PDE3A: variants seen among roughly 807,000 people sequenced by gnomAD.
The protein encoded by PDE3A is phosphodiesterase 3A, also known as cGMP-inhibited 3',5'-cyclic phosphodiesterase 3A.
Under a neutral mutation model 98.3 loss-of-function variants are expected in PDE3A, and 43 were observed. The observed-to-expected ratio is 0.44, with a 90% confidence interval of 0.34 to 0.56. PDE3A has a LOEUF of 0.56. Ranked by LOEUF, PDE3A falls within the 20% of genes least tolerant of loss-of-function variation. PDE3A has a pLI of 0.01. For synonymous variants in PDE3A, 663 were observed against 567.9 expected (o/e 1.17, Z -2.38); for missense variants, 1,427 against 1,440.7 (o/e 0.99, Z 0.15).
intron 1 of PDE3A, among the ~76,000 whole-genome samples, chr12:20,507,017 T>C (rs1032971400): frequency 1.2e-4 from 18 of 152,128 alleles, no homozygotes; most frequent in Admixed American, 3.3e-4. Context: ...TTATTCTTTA[T>C]AAAAGGTTAT....
At chr12:20,654,301 A>C in intron 15 of PDE3A, 96 bp downstream of exon 15, 1 of 1,160,752 alleles carries the variant, frequency 8.6e-7, no homozygotes, top group Non-Finnish European at 1.2e-6. Flanking sequence ...CAATACTTCA[A>C]GTCTAAACAT....
intron 1 of PDE3A, among the ~76,000 whole-genome samples, chr12:20,483,431 G>A (rs1945668312): frequency 6.6e-6 from 1 of 152,074 alleles, no homozygotes; most frequent in Non-Finnish European, 1.5e-5. Context: ...ATTGTAAGCT[G>A]TAACAAATTC....
At chr12:20,646,703 G>C (rs755216075) in intron 11 of PDE3A, 48 bp from the exon 12 acceptor site, 1 of 1,432,018 alleles carries the variant, frequency 7.0e-7, no homozygotes, top group Non-Finnish European at 9.8e-7. Context: ...GACAAATAAT[G>C]TCAGTACTTT....
intron 1 of PDE3A, among the ~76,000 whole-genome samples, chr12:20,538,236 G>A (rs1175346923): frequency 6.6e-6 from 1 of 152,076 alleles, no homozygotes; most frequent in Non-Finnish European, 1.5e-5. Flanking sequence ...AGAGCTTAAT[G>A]GTGACATTTT....
chr12:20,373,948 A>G (rs953061976), intron 1 of PDE3A, among the ~76,000 whole-genome samples: 1 of 152,164 alleles, frequency 6.6e-6, no homozygotes, highest in African/African-American at 2.4e-5. Flanking sequence ...TGTAGAATAC[A>G]TTGTTTAAAT....
intron 1 of PDE3A, among the ~76,000 whole-genome samples, chr12:20,528,216 T>A (rs1327655757): frequency 6.6e-6 from 1 of 152,206 alleles, no homozygotes; most frequent in African/African-American, 2.4e-5. Context: ...GTCACACTGA[T>A]TTGCATTTGG....
intron 2 of PDE3A, 72 bp from the exon 3 acceptor site, chr12:20,613,371 G>T (rs1042780090): frequency 2.8e-6 from 4 of 1,422,936 alleles, no homozygotes; most frequent in Admixed American, 3.5e-5. Flanking sequence ...TAGTGAAAAA[G>T]TCCAAATTAA....
chr12:20,536,317 C>T (rs1385470734), intron 1 of PDE3A, among the ~76,000 whole-genome samples: 5 of 147,844 alleles, frequency 3.4e-5, no homozygotes. Flanking sequence ...ATCAGGTTTT[C>T]CTCAAGGAGA....
chr12:20,520,449 G>C (rs149222407), intron 1 of PDE3A, among the ~76,000 whole-genome samples: 1 of 152,098 alleles, frequency 6.6e-6, no homozygotes, highest in Non-Finnish European at 1.5e-5. Context: ...ATCCTGGTGC[G>C]TGCTGGCTAT....
Position 20,406,318 on chromosome 12 carries a change from C to T in PDE3A, c.960+36074C>T, listed in dbSNP as rs537460400. On this transcript the variant is annotated intron_variant, in intron 1 of 15. Coordinates refer to ENST00000359062, the MANE Select transcript of PDE3A (RefSeq NM_000921.5). The stretch of plus-strand genomic sequence containing the variant: ...TTTGAGGAATCTCAGTGTTGTTTTT[C>T]GTAATCAGTTTACTAAATTACATTC... Among the ~76,000 whole-genome samples, 5 of 152,216 alleles carry T rather than the reference C, an allele frequency of 3.3e-5. 1 individual carries two copies. The highest frequency in any genetic ancestry group is 7.2e-5 in the African/African-American group (3 of 41,558).
At chr12:20,436,931 T>G (rs1441000374) in intron 1 of PDE3A, among the ~76,000 whole-genome samples, 1 of 152,214 alleles carries the variant, frequency 6.6e-6, no homozygotes, top group East Asian at 1.9e-4. Context: ...ATTGCTTTTC[T>G]TTGCAGGATG....
chr12:20,681,187 G>A lies in PDE3A; in HGVS notation c.*916G>A, dbSNP rs1565477603. 6.6e-6 allele frequency: 1 copy of A among 152,164 alleles called. No individual in the cohort carries two copies. The highest frequency in any genetic ancestry group is 2.4e-5 in the African/African-American group (1 of 41,410). The allele number at this position is 152,164 out of a possible 1,614,324, so 9.4% of individuals were successfully genotyped here. ...TCTATCACCAGCCTCAAACCCGAAA[G>A]ACTGAGGCATTTTCCAGTCTACTTG... On this transcript the variant is annotated 3_prime_UTR_variant, in exon 16 of 16. Transcript: ENST00000359062.
At chr12:20,412,559 CA>C (rs1419502630) in intron 1 of PDE3A, among the ~76,000 whole-genome samples, 4 of 152,080 alleles carry the variant, frequency 2.6e-5, no homozygotes, top group African/African-American at 7.2e-5. Context: ...GACAGACAGA[CA>C]AAACCCACCT....
chr12:20,369,925 T>C lies in PDE3A; in HGVS notation c.641T>C (p.Met214Thr), dbSNP rs1943433882. ...CTGAGGCTGAGGCTGGGCGTCCTCA[T>C]GATCGCCTTGACTAGCGCGGTCAGG... is the stretch of plus-strand genomic sequence containing the variant. ...LVLRLRLGVL[M>T]IALTSAVRTV... Residue 214 changes from methionine (M) to threonine (T), a missense_variant, in exon 1 of 16, where the codon ATG becomes ACG. Met to Thr is a moderately conservative substitution (Grantham distance 81, BLOSUM62 -1). This residue lies in a region of PDE3A where 1,012 missense variants were observed against 886.5 expected (regional missense o/e 1.14). Transcript: ENST00000359062. The C allele has an allele frequency of 6.2e-7, 1 of 1,613,380 alleles. No individual in the cohort carries two copies.
In PDE3A at chr12:20,660,805, G is replaced by T. The variant is rs537409457; in HGVS notation, c.3184+6600G>T. Among the ~76,000 whole-genome samples, 178 of 152,162 alleles carry T rather than the reference G, an allele frequency of 1.2e-3. 1 individual carries two copies. The highest frequency in any genetic ancestry group is 4.1e-3 in the African/African-American group (171 of 41,522). On this transcript the variant is annotated intron_variant, in intron 15 of 15. Transcript: ENST00000359062. Reference sequence around the variant, plus strand: ...GTGCTCAATTAAACCTCTTTCCTTTGTAAATTGCCCAGTCTCAGGTATGTC... The same window carrying T: ...GTGCTCAATTAAACCTCTTTCCTTTTTAAATTGCCCAGTCTCAGGTATGTC...
intron 2 of PDE3A, among the ~76,000 whole-genome samples, chr12:20,596,844 C>T (rs149625627): frequency 1.7e-3 from 255 of 152,184 alleles, no homozygotes; most frequent in African/African-American, 5.7e-3. Context: ...TCTTTATCTA[C>T]TTAGGCTCTC....
chr12:20,449,871 G>A, intron 1 of PDE3A: 1 of 642,694 alleles, frequency 1.6e-6, no homozygotes, highest in Non-Finnish European at 2.6e-6. Flanking sequence ...GTGGACATTT[G>A]GGTGACAGAT....
intron 1 of PDE3A, among the ~76,000 whole-genome samples, chr12:20,438,714 A>G (rs1944818169): frequency 6.6e-6 from 1 of 151,204 alleles, no homozygotes; most frequent in East Asian, 1.9e-4. Context: ...ACTTTCAATC[A>G]CTGAGCCAGA....
rs762266174 is a variant in PDE3A, at chr12:20,639,840, T to A, written c.2140-6T>A. On this transcript the variant is annotated splice_region_variant and splice_polypyrimidine_tract_variant and intron_variant, in intron 9 of 15. Transcript: ENST00000359062. ...ATGTTTCATAAGGCTTTGTCTTCTT[T>A]TACAGGTATCTTACAGACTTTTTGA... 3.8e-6 allele frequency: 5 copies of A among 1,313,662 alleles called. No homozygotes were observed. The highest frequency in any genetic ancestry group is 5.5e-6 in the Non-Finnish European group (5 of 906,972). 81.4% of individuals were successfully genotyped at this position (1,313,662 alleles called of 1,614,324 possible).
Sources: gnomAD v4.1 joint callset for allele counts (sites outside exome capture counted in the v4.1 genomes callset) on GRCh38, gnomAD v4.1.1 for gene constraint, gnomAD v4.1.1 regional missense constraint, MANE v1.5 for transcripts, NCBI Gene and HGNC (gene_info 2026-07-23, HGNC 2026-07-21) for gene names.